CFAP74: variants seen among roughly 807,000 people sequenced by gnomAD.
The protein encoded by CFAP74 is cilia and flagella associated protein 74.
In CFAP74, 124 loss-of-function variants were observed where a neutral mutation model predicts 188.9. The observed-to-expected ratio is 0.66, with a 90% confidence interval of 0.57 to 0.76. The LOEUF is 0.76. Among genes scored for constraint, CFAP74 ranks in the 30% least tolerant of loss-of-function variants. The probability of loss-of-function intolerance (pLI) is 0.00; values close to 1 mark genes in which losing one functional copy is unlikely to be tolerated. For missense variants in CFAP74, 2,198 were observed against 2,165.2 expected (o/e 1.02, Z -0.30); for synonymous variants, 956 against 916.7 (o/e 1.04, Z -0.77).
At chr1:1,981,812 G>A (rs143014936) in intron 6 of CFAP74, among the ~76,000 whole-genome samples, 1 of 125,832 alleles carries the variant, frequency 7.9e-6, no homozygotes, top group African/African-American at 3.4e-5. Context: ...GGGCACGCAG[G>A]ACACCCAACC....
At chr1:1,950,219 G>A (rs1424864618) in intron 18 of CFAP74, among the ~76,000 whole-genome samples, 1 of 152,016 alleles carries the variant, frequency 6.6e-6, no homozygotes, top group African/African-American at 2.4e-5. Context: ...TCCCATTGTG[G>A]TTTTAATTTA....
intron 33 of CFAP74, 145 bp from the exon 34 acceptor site, chr1:1,924,665 G>A (rs1204276319): frequency 1.9e-5 from 16 of 821,316 alleles, no homozygotes; most frequent in Middle Eastern, 3.6e-4. Flanking sequence ...CACACGTGGC[G>A]GTTTATTGAG....
At chr1:1,948,594 G>GT (rs56188156) in intron 18 of CFAP74, among the ~76,000 whole-genome samples, 2,842 of 122,010 alleles carry the variant, frequency 0.023, 221 homozygotes, top group African/African-American at 0.072. Flanking sequence ...CTTTCTTCTT[G>GT]TTTTTTTTTT....
At chr1:1,987,223 T>C (rs1236581937) in intron 4 of CFAP74, among the ~76,000 whole-genome samples, 188 bp from the exon 5 acceptor site, 3 of 152,192 alleles carry the variant, frequency 2.0e-5, no homozygotes, top group African/African-American at 7.2e-5. Context: ...TTTGGAAAAC[T>C]GCCCAGGGGC....
intron 6 of CFAP74, among the ~76,000 whole-genome samples, chr1:1,978,194 C>T (rs1373380797): frequency 1.3e-5 from 2 of 152,224 alleles, no homozygotes; most frequent in South Asian, 2.1e-4. Context: ...AAGACATGTT[C>T]TTCATTATGG....
At chr1:1,981,627 G>T (rs1432059735) in intron 6 of CFAP74, among the ~76,000 whole-genome samples, 12 of 75,698 alleles carry the variant, frequency 1.6e-4, no homozygotes, top group South Asian at 4.6e-4. Context: ...ACAGACACGG[G>T]GGCACGCAGG....
intron 15 of CFAP74, among the ~76,000 whole-genome samples, chr1:1,959,455 G>A (rs1369015405): frequency 6.6e-6 from 1 of 151,762 alleles, no homozygotes; most frequent in African/African-American, 2.4e-5. Flanking sequence ...TTGTAGAGAC[G>A]GGGTCTCGCC....
intron 6 of CFAP74, among the ~76,000 whole-genome samples, chr1:1,981,190 C>A (rs1463703560): frequency 6.6e-6 from 1 of 152,240 alleles, no homozygotes; most frequent in Non-Finnish European, 1.5e-5. Context: ...GGAGGCCTTG[C>A]AGAGACCCTG....
At chr1:1,957,402 G>T (rs1446825658) in intron 16 of CFAP74, among the ~76,000 whole-genome samples, 1 of 152,248 alleles carries the variant, frequency 6.6e-6, no homozygotes, top group African/African-American at 2.4e-5. Context: ...AATGGACGTG[G>T]TTCGCAGAGG....
In CFAP74 at chr1:1,923,125, G is replaced by C; in HGVS notation, c.4543C>G (p.Leu1515Val). The change falls in exon 37 of 39, where the codon CTC (leucine) becomes GTC (valine). Residue 1515 changes from leucine to valine, a missense_variant. Leu to Val is a conservative substitution (Grantham distance 32). Coordinates refer to ENST00000682832, the MANE Select transcript of CFAP74 (RefSeq NM_001304360.2). This position sits in a 1 kb window ranked among gnomAD's most constrained non-coding sequence, Gnocchi z 6.3. ...HREASSRPGP[L>V]SPEAEELRPI... ...CTCAGCTCCTCAGCTTCTGGAGAGA[G>C]AGGGCCTGGCCGGGAGCTGGCTGGA... 6.2e-7 allele frequency: 1 copy of C among 1,609,652 alleles called. No homozygotes were observed. Among genetic ancestry groups the C allele is most frequent in the Non-Finnish European group, 8.5e-7 (1 of 1,178,982 alleles).
intron 12 of CFAP74, 39 bp downstream of exon 12, chr1:1,966,332 G>A (rs769697736): frequency 4.1e-6 from 6 of 1,451,966 alleles, no homozygotes. Context: ...AGAGGGCCGG[G>A]GTCCGTCTGC....
rs199801677 is a variant in CFAP74 at position 1,990,945 on chromosome 1, G to A, written c.12C>T (p.Asp4=). 3.5e-5 allele frequency: 57 copies of A among 1,612,306 alleles called. No individual in the cohort carries two copies. In the Middle Eastern group the frequency reaches 6.6e-4, roughly 19 times the overall value. Residue 4 remains aspartate, a synonymous_variant, in exon 2 of 39, where the codon GAC becomes GAT. Coordinates refer to ENST00000682832, the MANE Select transcript of CFAP74 (RefSeq NM_001304360.2). The part of the protein sequence containing the change: MED[D]GSLLPEDELL... The stretch of plus-strand genomic sequence containing the variant: ...GCTCGTCCTCAGGGAGCAGGCTGCC[G>A]TCATCCTCCATGCTGGGAGATAGAA...
Position 1,973,128 on chromosome 1 carries a change from G to T in CFAP74, c.675-81C>A. On this transcript the variant is annotated intron_variant, in intron 7 of 38. Coordinates refer to ENST00000682832, the MANE Select transcript of CFAP74 (RefSeq NM_001304360.2). This position sits in a 1 kb window ranked among gnomAD's most constrained non-coding sequence, Gnocchi z 6.2. ...CCCAAGCCCTGCACGGCTGGAGCTC[G>T]TGTCCCAGAGACGCCGTGGGCCCTT... is the stretch of plus-strand genomic sequence containing the variant. 9.9e-7 allele frequency: 1 copy of T among 1,005,598 alleles called. No homozygotes were observed. Among genetic ancestry groups the T allele is most frequent in the Non-Finnish European group, 1.5e-6 (1 of 665,028 alleles). The allele number at this position is 1,005,598 out of a possible 1,614,324, so 62.3% of individuals were successfully genotyped here.
intron 6 of CFAP74, among the ~76,000 whole-genome samples, chr1:1,979,248 C>G (rs1201796548): frequency 7.3e-5 from 5 of 68,284 alleles, no homozygotes; most frequent in Admixed American, 1.6e-4. Context: ...ACACGTGTGT[C>G]GTGCTGAGCT....
chr1:1,991,110 T>A, intron 1 of CFAP74, 135 bp from the exon 2 acceptor site: 1 of 606,472 alleles, frequency 1.6e-6, no homozygotes, highest in Non-Finnish European at 2.9e-6. Context: ...CACACACATA[T>A]CTGACACAAG....
intron 13 of CFAP74, 51 bp downstream of exon 13, chr1:1,964,837 T>G (rs1434802245): frequency 6.2e-7 from 1 of 1,603,576 alleles, no homozygotes; most frequent in South Asian, 1.1e-5. Context: ...AGGGCTCCCC[T>G]GCTGTCCTGT....
chr1:1,993,212 AAAAAAAG>A (rs1161843798), intron 1 of CFAP74, among the ~76,000 whole-genome samples: 1 of 151,884 alleles, frequency 6.6e-6, no homozygotes, highest in East Asian at 1.9e-4. Context: ...AAAAAAAAAA[AAAAAAAG>A]AAACAATGTT....
At chr1:1,966,657 A>T (rs1247060450) in intron 11 of CFAP74, 131 bp from the exon 12 acceptor site, 3 of 696,970 alleles carry the variant, frequency 4.3e-6, no homozygotes, top group Non-Finnish European at 6.2e-6. Flanking sequence ...CTCTGCATGG[A>T]GATAGCGGTG....
intron 18 of CFAP74, among the ~76,000 whole-genome samples, chr1:1,952,248 C>T (rs936801541): frequency 2.0e-5 from 3 of 151,888 alleles, no homozygotes; most frequent in South Asian, 4.2e-4. Context: ...CCACTGGGCC[C>T]GACCAAGGTG....
Sources: allele counts gnomAD v4.1 joint callset (sites outside exome capture counted in the v4.1 genomes callset), GRCh38; gene constraint gnomAD v4.1.1; non-coding constraint Gnocchi (gnomAD v3.1); transcripts MANE v1.5; gene names NCBI Gene and HGNC (gene_info 2026-07-23, HGNC 2026-07-21).